Variants in PDE10A observed in about 807,000 individuals in gnomAD.
PDE10A encodes the protein phosphodiesterase 10A.
In PDE10A, 39 loss-of-function variants were observed where a neutral mutation model predicts 97.7. The observed-to-expected ratio is 0.40, with a 90% CI of 0.31 to 0.52. The LOEUF (loss-of-function observed/expected upper bound fraction) is 0.52. PDE10A is among the 20% of genes least tolerant of loss of function. PDE10A has a pLI of 0.56. For missense variants in PDE10A, 731 were observed against 1,047.8 expected (o/e 0.70, Z 4.17); for synonymous variants, 371 against 376.8 (o/e 0.98, Z 0.18).
At chr6:165,961,229 T>C (rs1784350618) in intron 1 of PDE10A, among the ~76,000 whole-genome samples, 1 of 152,078 alleles carries the variant, frequency 6.6e-6, no homozygotes, top group African/African-American at 2.4e-5. Context: ...TGAATTTCAG[T>C]CCCAAAAAAC....
At chr6:165,973,344 C>A (rs971141639) in intron 1 of PDE10A, among the ~76,000 whole-genome samples, 1 of 151,192 alleles carries the variant, frequency 6.6e-6, no homozygotes, top group African/African-American at 2.4e-5. Flanking sequence ...ACCCGGGAGG[C>A]GGAGGTGGCA....
At chr6:165,501,347 G>T (rs1780870081) in intron 2 of PDE10A, among the ~76,000 whole-genome samples, 1 of 152,140 alleles carries the variant, frequency 6.6e-6, no homozygotes, top group South Asian at 2.1e-4. Flanking sequence ...AGATCACGAG[G>T]TCAGGAGATC....
chr6:165,348,942 C>T (rs1189938309), intron 18 of PDE10A, among the ~76,000 whole-genome samples: 1 of 152,168 alleles, frequency 6.6e-6, no homozygotes, highest in African/African-American at 2.4e-5. Context: ...TCTCCTGAGG[C>T]CGCCCCAGAC....
At chr6:165,864,481 G>A (rs1780986464) in intron 1 of PDE10A, among the ~76,000 whole-genome samples, 1 of 152,202 alleles carries the variant, frequency 6.6e-6, no homozygotes, top group African/African-American at 2.4e-5. Flanking sequence ...AAGATAATAA[G>A]TAAGAGTTTA....
intron 1 of PDE10A, among the ~76,000 whole-genome samples, chr6:165,646,691 C>T (rs1173260379): frequency 6.6e-6 from 1 of 152,150 alleles, no homozygotes; most frequent in Non-Finnish European, 1.5e-5. Flanking sequence ...AGCGGCATCG[C>T]CACCCACCTG....
chr6:165,689,203 G>C (rs558586322), intron 1 of PDE10A, among the ~76,000 whole-genome samples: 8 of 152,296 alleles, frequency 5.3e-5, no homozygotes, highest in African/African-American at 1.7e-4. Flanking sequence ...ACCGTTGTGG[G>C]GTTAAGTGAT....
At chr6:165,849,830 A>AT (rs1780527544) in intron 1 of PDE10A, among the ~76,000 whole-genome samples, 1 of 151,200 alleles carries the variant, frequency 6.6e-6, no homozygotes, top group African/African-American at 2.4e-5. Flanking sequence ...AGGAAAAAAA[A>AT]ATTGGCTGGT....
At chr6:165,785,301 T>C (rs1049996367) in intron 1 of PDE10A, among the ~76,000 whole-genome samples, 1 of 152,170 alleles carries the variant, frequency 6.6e-6, no homozygotes, top group Non-Finnish European at 1.5e-5. Context: ...GTTATTCTCA[T>C]TTTTCCCCAT....
At chr6:165,531,993 A>C (rs1782807042) in intron 2 of PDE10A, among the ~76,000 whole-genome samples, 1 of 152,202 alleles carries the variant, frequency 6.6e-6, no homozygotes, top group Admixed American at 6.5e-5. Flanking sequence ...TGGTACAAAA[A>C]TGAACAACAA....
chr6:165,560,554 G>C (rs762274386), intron 1 of PDE10A, among the ~76,000 whole-genome samples: 1 of 152,188 alleles, frequency 6.6e-6, no homozygotes, highest in African/African-American at 2.4e-5. Context: ...GTGGTAATTT[G>C]TTATGAGACA....
intron 1 of PDE10A, among the ~76,000 whole-genome samples, chr6:165,952,866 AAAAAG>A (rs1784012139): frequency 6.6e-6 from 1 of 152,196 alleles, no homozygotes; most frequent in African/African-American, 2.4e-5. Context: ...GAGAAAAAAA[AAAAAG>A]GCCACAGTGC....
intron 3 of PDE10A, among the ~76,000 whole-genome samples, chr6:165,451,235 T>C (rs1227338010): frequency 1.3e-5 from 2 of 152,140 alleles, no homozygotes; most frequent in Non-Finnish European, 2.9e-5. Flanking sequence ...GGCTTCATCA[T>C]GGCACCAGTG....
chr6:165,403,183 G>A (rs191479830), intron 13 of PDE10A, among the ~76,000 whole-genome samples: 30 of 152,280 alleles, frequency 2.0e-4, no homozygotes, highest in African/African-American at 5.8e-4. Context: ...AGCTCTCAGC[G>A]CTATCAGCAA....
chr6:165,816,997 C>T (rs541725203), intron 1 of PDE10A, among the ~76,000 whole-genome samples: 19 of 152,190 alleles, frequency 1.2e-4, no homozygotes, highest in African/African-American at 4.6e-4. Context: ...AGAGTTGGAA[C>T]CTAACATCAC....
chr6:165,725,340 ACACACACC>A (rs1268962380), intron 1 of PDE10A, among the ~76,000 whole-genome samples: 2 of 152,232 alleles, frequency 1.3e-5, no homozygotes, highest in Admixed American at 6.5e-5. Context: ...GCGCCCTGTA[ACACACACC>A]CACTAGGGCT....
chr6:165,838,437 C>T (rs1328177554), intron 1 of PDE10A, among the ~76,000 whole-genome samples: 1 of 152,152 alleles, frequency 6.6e-6, no homozygotes, highest in Non-Finnish European at 1.5e-5. Context: ...ACAAAATTTA[C>T]CCTTTAAAAT....
intron 1 of PDE10A, among the ~76,000 whole-genome samples, chr6:165,756,802 A>C (rs1793126986): frequency 6.6e-6 from 1 of 151,818 alleles, no homozygotes; most frequent in Middle Eastern, 3.2e-3. Context: ...CACAAGCAGA[A>C]TGTGTCATCA....
chr6:165,617,609 G>A lies in PDE10A; in HGVS notation c.865+44338C>T, dbSNP rs3008019. 7.2e-5 allele frequency among the ~76,000 whole-genome samples: 11 copies of A among 152,058 alleles called. No homozygotes were observed. The East Asian group carries it at 9.7e-4, about 13-fold the overall frequency. On this transcript the variant is annotated intron_variant, in intron 1 of 21. Coordinates refer to ENST00000539869, the MANE Select transcript of PDE10A (RefSeq NM_001385079.1). ...GGGAGGTGCTTGTTGGAAAGACTGC[G>A]ATTAGGGTGAACACTGATCCCAGTC...
chr6:165,909,473 G>A (rs545287419), intron 1 of PDE10A, among the ~76,000 whole-genome samples: 71 of 152,338 alleles, frequency 4.7e-4, no homozygotes, highest in Non-Finnish European at 3.4e-4. Flanking sequence ...ATGGCTTCCT[G>A]GTTTTACGCA....
Sources: gnomAD v4.1 joint callset for allele counts (sites outside exome capture counted in the v4.1 genomes callset) on GRCh38, gnomAD v4.1.1 for gene constraint, MANE v1.5 for transcripts, NCBI Gene and HGNC (gene_info 2026-07-23, HGNC 2026-07-21) for gene names.